The following MICAL3 variants were observed in gnomAD, a reference collection of about 807,000 sequenced individuals.
The protein encoded by MICAL3 is microtubule associated monooxygenase, calponin and LIM domain containing 3.
In MICAL3, 62 loss-of-function variants were observed where a neutral mutation model predicts 207.4. That is an observed-to-expected ratio of 0.30 (90% CI 0.24 to 0.37). The LOEUF (loss-of-function observed/expected upper bound fraction) is 0.37, where lower values mean the gene tolerates loss of function less well. Ranked by LOEUF, MICAL3 falls within the 10% of genes least tolerant of loss-of-function variation. The pLI is 1.00. For synonymous variants in MICAL3, 1,077 were observed against 1,069.3 expected, an observed-to-expected ratio of 1.01 and a Z score of -0.14; for missense variants, 2,368 against 2,635.6, an observed-to-expected ratio of 0.90 and a Z score of 2.22.
At chr22:17,839,607 C>T (rs1215145150) in intron 20 of MICAL3, 1 of 147,696 alleles carries the variant, frequency 6.8e-6, no homozygotes, top group Non-Finnish European at 1.5e-5. Context: ...GCTCTTGTTG[C>T]CTAGGCTGGA....
rs555569053 is a variant in MICAL3, at chr22:17,893,463, ACTCTCTCC to A, written c.1546+337_1546+344del. 2.8e-3 allele frequency among the ~76,000 whole-genome samples: 419 copies of A among 149,878 alleles called. 1 individual carries two copies. The highest frequency in any genetic ancestry group is 7.3e-3 in the Admixed American group (110 of 15,090). ...CTTCTCCCGAAACCTTAGCTCTCAC[ACTCTCTCC>A]CTCTCTCCCCTCTGCCCCGCGTCTG... On this transcript the variant is annotated intron_variant, in intron 11 of 31. Coordinates refer to ENST00000441493, the MANE Select transcript of MICAL3 (RefSeq NM_015241.3).
At chr22:18,020,054 C>G (rs1161352155) in intron 1 of MICAL3, 1 of 151,980 alleles carries the variant, frequency 6.6e-6, no homozygotes, top group Non-Finnish European at 1.5e-5. Flanking sequence ...ACCTCGTGAT[C>G]TGCCCGTCTA....
At position 17,996,123 on chromosome 22, in the gene MICAL3, C is replaced by T. The variant is rs890332186; in HGVS notation, c.-75+28158G>A. 2.1e-4 allele frequency among the ~76,000 whole-genome samples: 28 copies of T among 132,410 alleles called. No individual in the cohort carries two copies. The Admixed American group carries it at 2.4e-3, about 11-fold the overall frequency. The allele number at this position is 132,410 out of a possible 152,430, so 86.9% of individuals were successfully genotyped here. A position where few individuals can be genotyped will look rare whatever the true frequency, so the allele number is the denominator to read the frequency against. ...CCAGCCTAGGTGGCAGAGTGAGATG[C>T]TGTCTCAATTTAAAAAAAAAAAAAA... is the stretch of plus-strand genomic sequence containing the variant. On this transcript the variant is annotated intron_variant, in intron 1 of 31. Transcript: ENST00000441493.
At chr22:17,877,556 T>G (rs1018926996) in intron 16 of MICAL3, among the ~76,000 whole-genome samples, 4 of 101,222 alleles carry the variant, frequency 4.0e-5, no homozygotes, top group East Asian at 7.3e-4. Context: ...TGAGGGAGGT[T>G]ATGGAGGTTA....
chr22:17,968,315 G>GCT (rs1440232401), intron 1 of MICAL3, among the ~76,000 whole-genome samples: 1 of 152,132 alleles, frequency 6.6e-6, no homozygotes, highest in East Asian at 1.9e-4. Context: ...CCTTGCCAGA[G>GCT]CTCAGACCCG....
chr22:17,887,904 G>A lies in MICAL3; in HGVS notation c.1892-469C>T, dbSNP rs532960905. 4.6e-5 allele frequency among the ~76,000 whole-genome samples: 7 copies of A among 152,290 alleles called. No individual in the cohort carries two copies. In the East Asian group the frequency reaches 1.4e-3, roughly 29 times the overall value. ...CACAGATGGGGGTGGCACTGAATGG[G>A]TACGTCGATGTTAGAGCTGTGGCTT... is the stretch of plus-strand genomic sequence containing the variant. On this transcript the variant is annotated intron_variant, in intron 13 of 31. Transcript: ENST00000441493.
chr22:17,789,716 T>C lies in MICAL3; in HGVS notation c.*1016A>G, dbSNP rs1488024058. ...CCGGGCAGCCCCGGACCAGGTCGCG[T>C]AGGACGCACCAGATGCCGCTGTGGC... On this transcript the variant is annotated 3_prime_UTR_variant, in exon 32 of 32. Transcript: ENST00000441493. 2.0e-5 allele frequency: 3 copies of C among 152,298 alleles called. No homozygotes were observed. Among genetic ancestry groups the C allele is most frequent in the Non-Finnish European group, 4.4e-5 (3 of 68,070 alleles). 9.4% of individuals were successfully genotyped at this position (152,298 alleles called of 1,614,324 possible). A position where few individuals can be genotyped will look rare whatever the true frequency, so the allele number is the denominator to read the frequency against.
chr22:17,798,271 G>A (rs1170498908), intron 29 of MICAL3, among the ~76,000 whole-genome samples: 1 of 152,212 alleles, frequency 6.6e-6, no homozygotes, highest in Non-Finnish European at 1.5e-5. Flanking sequence ...GGTGGAGGCT[G>A]GCCCCACACC....
At chr22:17,839,567 CTTT>C (rs60451083) in intron 20 of MICAL3, 91 of 139,630 alleles carry the variant, frequency 6.5e-4, no homozygotes, top group African/African-American at 8.6e-4. Context: ...GGGCTCTTCC[CTTT>C]TTTTTTTTTT....
chr22:17,849,170 G>A (rs913944770), intron 19 of MICAL3, among the ~76,000 whole-genome samples: 34 of 152,320 alleles, frequency 2.2e-4, no homozygotes, highest in Non-Finnish European at 4.0e-4. Flanking sequence ...CGGGCACGAC[G>A]ACAGGCAGGC....
intron 1 of MICAL3, among the ~76,000 whole-genome samples, chr22:18,017,994 C>A (rs1924177763): frequency 6.6e-6 from 1 of 152,090 alleles, no homozygotes; most frequent in South Asian, 2.1e-4. Context: ...TCGTGATCCA[C>A]CTGCCTCGGC....
At chr22:17,839,368 T>C (rs1923756855) in intron 20 of MICAL3, among the ~76,000 whole-genome samples, 1 of 150,160 alleles carries the variant, frequency 6.7e-6, no homozygotes. Flanking sequence ...GCGATTCTCC[T>C]GCCTCAGCCT....
intron 19 of MICAL3, chr22:17,863,153 G>A (rs571689649): frequency 4.1e-6 from 4 of 985,444 alleles, no homozygotes; most frequent in East Asian, 2.3e-4. Context: ...TAGATGGCAA[G>A]AATGGCAACC....
chr22:17,796,349 C>A lies in MICAL3; in HGVS notation c.5651-5048G>T, dbSNP rs148014750. Among the ~76,000 whole-genome samples, 20 of 152,344 alleles carry A rather than the reference C, an allele frequency of 1.3e-4. No individual in the cohort carries two copies. The East Asian group carries it at 3.9e-3, about 29-fold the overall frequency. On this transcript the variant is annotated intron_variant, in intron 29 of 31. Transcript: ENST00000441493. This position sits in a 1 kb window ranked among gnomAD's most constrained non-coding sequence, Gnocchi z 4.4. ...AATTTCAAAAAGCAACAGTACACCA[C>A]CAGGGAGTGAGGCCTGTCCAGAGCA...
At chr22:17,939,860 A>G (rs1258809103) in intron 1 of MICAL3, among the ~76,000 whole-genome samples, 1 of 152,192 alleles carries the variant, frequency 6.6e-6, no homozygotes, top group Non-Finnish European at 1.5e-5. Context: ...CACCATGGAA[A>G]CTTGGATAAC....
intron 27 of MICAL3, chr22:17,814,241 CAATG>C (rs2145998183): frequency 6.6e-6 from 1 of 152,348 alleles, no homozygotes; most frequent in Non-Finnish European, 1.5e-5. Flanking sequence ...AAGAGGAAGA[CAATG>C]AACACCCACA....
chr22:17,834,547 T>A (rs1317858997), intron 20 of MICAL3: 1 of 1,167,538 alleles, frequency 8.6e-7, no homozygotes, highest in Non-Finnish European at 1.1e-6. Flanking sequence ...GGAGACCCAG[T>A]CTCTACAAAA....
At chr22:17,877,901 G>A (rs1167642371) in intron 16 of MICAL3, among the ~76,000 whole-genome samples, 2 of 151,378 alleles carry the variant, frequency 1.3e-5, no homozygotes, top group Non-Finnish European at 2.9e-5. Context: ...CGCCCAGGCT[G>A]GAGTGCAGTG....
rs1208290197 is a variant in MICAL3 at position 17,904,670 on chromosome 22, A to C, written c.434T>G (p.Phe145Cys). The C allele has an allele frequency of 3.1e-6, 5 of 1,614,090 alleles. No homozygotes were observed. Among genetic ancestry groups the C allele is most frequent in the Non-Finnish European group, 4.2e-6 (5 of 1,180,008 alleles). ...GGCTCCAGCACAGAACTTGCCATAG[A>C]ACTTCTTGGCACCCAGACCTCGTAG... ...HDLRGLGAKK[F>C]YGKFCAGAID... The change falls in exon 3 of 32, where the codon TTC becomes TGC. Residue 145 changes from phenylalanine to cysteine, a missense_variant. Physicochemically the swap from Phe to Cys is radical, Grantham distance 205 (BLOSUM62 -2). This residue lies in a region of MICAL3 where 400 missense variants were observed against 547.0 expected (regional missense o/e 0.73). Transcript: ENST00000441493.
Sources: gnomAD v4.1 joint callset for allele counts (sites outside exome capture counted in the v4.1 genomes callset) on GRCh38, gnomAD v4.1.1 for gene constraint, gnomAD v4.1.1 regional missense constraint, Gnocchi (gnomAD v3.1) non-coding constraint, MANE v1.5 for transcripts, NCBI Gene and HGNC (gene_info 2026-07-23, HGNC 2026-07-21) for gene names.